Variants in KCTD21 observed in about 807,000 individuals in gnomAD.
The protein encoded by KCTD21 is potassium channel tetramerization domain containing 21, also known as BTB/POZ domain-containing protein KCTD21.
KCTD21 carries 9 observed loss-of-function variants against 13.2 expected under a neutral mutation model. The ratio of observed to expected loss-of-function variants is 0.68; its 90% confidence interval spans 0.41 to 1.19. KCTD21 has a LOEUF of 1.19. KCTD21 is among the 50% of genes most tolerant of loss of function. KCTD21 has a pLI of 0.01. For synonymous variants in KCTD21, 142 were observed against 137.4 expected (o/e 1.03, Z -0.23); for missense variants, 303 against 336.5 (o/e 0.90, Z 0.78).
rs1480151814 is a variant in KCTD21, at chr11:78,172,918, A to C, written c.*854T>G. The C allele has an allele frequency of 6.6e-6, 1 of 152,584 alleles. No individual in the cohort carries two copies. The highest frequency in any genetic ancestry group is 1.5e-5 in the Non-Finnish European group (1 of 68,034). The allele number at this position is 152,584 out of a possible 1,614,324, so 9.5% of individuals were successfully genotyped here. ...GTGGGGGAGGACTAAGCAATCATCG[A>C]ATTATTTCCAACCCTGAGAATCCGT... is the stretch of plus-strand genomic sequence containing the variant. On this transcript the variant is annotated 3_prime_UTR_variant, in exon 2 of 2. Transcript: ENST00000340067.
At chr11:78,176,586 C>A (rs1862454937) in intron 1 of KCTD21, among the ~76,000 whole-genome samples, 1 of 152,128 alleles carries the variant, frequency 6.6e-6, no homozygotes, top group Non-Finnish European at 1.5e-5. Flanking sequence ...GAACTGGCCC[C>A]AGTATTACCC....
intron 1 of KCTD21, among the ~76,000 whole-genome samples, chr11:78,182,491 C>G (rs932233142): frequency 2.0e-5 from 3 of 152,174 alleles, no homozygotes; most frequent in Non-Finnish European, 4.4e-5. Flanking sequence ...ACATTTCCCT[C>G]TGTGGTTTTA....
chr11:78,173,894 G>A lies in KCTD21; in HGVS notation c.661C>T (p.Gln221Ter), dbSNP rs1424571151. 1 of 1,614,170 alleles carries A rather than the reference G, an allele frequency of 6.2e-7. No homozygotes were observed. Among genetic ancestry groups the A allele is most frequent in the Admixed American group, 1.7e-5 (1 of 60,028 alleles). The change falls in exon 2 of 2, where the codon CAG becomes TAG. Residue 221 changes from glutamine (Q) to a stop codon, truncating the protein, a stop_gained. Transcript: ENST00000340067. LOFTEE classifies it high-confidence loss of function. ...VPANKQINSF[Q>*]VFVEEVLKIA... Reference sequence around the variant, plus strand: ...TTCAGTACCTCTTCCACGAAGACCTGGAAGCTGTTGATCTGCTTGTTGGCG... The same window carrying A: ...TTCAGTACCTCTTCCACGAAGACCTAGAAGCTGTTGATCTGCTTGTTGGCG...
intron 1 of KCTD21, among the ~76,000 whole-genome samples, chr11:78,183,472 G>A (rs555353296): frequency 6.6e-6 from 1 of 151,094 alleles, no homozygotes; most frequent in Non-Finnish European, 1.5e-5. Flanking sequence ...GGAAGTGGAG[G>A]TTGCAGTGAG....
At chr11:78,183,760 C>T (rs184338569) in intron 1 of KCTD21, among the ~76,000 whole-genome samples, 5 of 151,236 alleles carry the variant, frequency 3.3e-5, no homozygotes, top group South Asian at 2.1e-4. Flanking sequence ...CTCAGCCTCC[C>T]GAGTAGCTGA....
intron 1 of KCTD21, among the ~76,000 whole-genome samples, chr11:78,178,169 A>G (rs1041130318): frequency 1.4e-5 from 2 of 146,980 alleles, no homozygotes; most frequent in African/African-American, 5.1e-5. Context: ...CTCTGTCGCC[A>G]GGCTAGAGTG....
rs1862752304 is a variant in KCTD21 at position 78,185,990 on chromosome 11, T to C, written c.-30+2583A>G. Among the ~76,000 whole-genome samples the C allele has an allele frequency of 2.0e-5, 3 of 152,068 alleles. No homozygotes were observed. In the Middle Eastern group the frequency reaches 0.01, roughly 517 times the overall value. On this transcript the variant is annotated intron_variant, in intron 1 of 1. Coordinates refer to ENST00000340067, the MANE Select transcript of KCTD21 (RefSeq NM_001029859.3). ...ATCATGAACCCAGAATCTCTGTAAC[T>C]CGGCAGGAAAGAAACTCCTGTCATG...
chr11:78,188,598 C>A lies in KCTD21; in HGVS notation c.-55G>T. On this transcript the variant is annotated 5_prime_UTR_variant, in exon 1 of 2. Coordinates refer to ENST00000340067, the MANE Select transcript of KCTD21 (RefSeq NM_001029859.3). The stretch of plus-strand genomic sequence containing the variant: ...CTCCTGCCCTCGCTCTGCAGCCTCT[C>A]CCTCCGCGAGCGGCCAGCGCAGCTT... 1.6e-5 allele frequency: 16 copies of A among 985,568 alleles called. No homozygotes were observed. The highest frequency in any genetic ancestry group is 1.9e-5 in the Non-Finnish European group (16 of 830,044). The allele number at this position is 985,568 out of a possible 1,614,324, so 61.1% of individuals were successfully genotyped here.
chr11:78,188,024 C>CT, intron 1 of KCTD21: 2 of 985,414 alleles, frequency 2.0e-6, no homozygotes, highest in Non-Finnish European at 2.4e-6. Context: ...GGGATGGACT[C>CT]TTTATTTCCA....
At position 78,172,550 on chromosome 11, in the gene KCTD21, A is replaced by G. The variant is rs1862308430; in HGVS notation, c.*1222T>C. ...GACTGACTTACAGGGGATAGAAAAG[A>G]GCTAACTTTGATTCTGAAGACAGAT... On this transcript the variant is annotated 3_prime_UTR_variant, in exon 2 of 2. Coordinates refer to ENST00000340067, the MANE Select transcript of KCTD21 (RefSeq NM_001029859.3). 6.6e-6 allele frequency: 1 copy of G among 152,202 alleles called. No individual in the cohort carries two copies. The highest frequency in any genetic ancestry group is 6.5e-5 in the Admixed American group (1 of 15,282). 9.4% of individuals were successfully genotyped at this position (152,202 alleles called of 1,614,324 possible).
intron 1 of KCTD21, among the ~76,000 whole-genome samples, chr11:78,178,892 T>C (rs530042700): frequency 7.2e-5 from 11 of 152,242 alleles, no homozygotes; most frequent in African/African-American, 2.6e-4. Flanking sequence ...ACGCTCCTCT[T>C]TGCAACCCTC....
At chr11:78,188,358 A>G (rs1309613246) in intron 1 of KCTD21, 2 of 984,260 alleles carry the variant, frequency 2.0e-6, no homozygotes, top group Non-Finnish European at 2.4e-6. Flanking sequence ...TGCTCTCCCA[A>G]CAGCCCCGCC....
At chr11:78,180,241 C>A (rs1862576455) in intron 1 of KCTD21, among the ~76,000 whole-genome samples, 1 of 152,186 alleles carries the variant, frequency 6.6e-6, no homozygotes, top group African/African-American at 2.4e-5. Context: ...TCAAAAGACA[C>A]TGTTAAGAAA....
Position 78,174,279 on chromosome 11 carries a change from C to G in KCTD21, c.276G>C (p.Leu92=). 1 of 1,614,120 alleles carries G rather than the reference C, an allele frequency of 6.2e-7. No homozygotes were observed. The highest frequency in any genetic ancestry group is 8.5e-7 in the Non-Finnish European group (1 of 1,180,030). Reference sequence around the variant, plus strand: ...CTTCCTTCTCCTGCAGGGCCTCAATCAGGGGCTGCACCTGGTAGAAGTCGG... The same window carrying G: ...CTTCCTTCTCCTGCAGGGCCTCAATGAGGGGCTGCACCTGGTAGAAGTCGG... ...READFYQVQP[L]IEALQEKEVE... is the part of the protein sequence containing the mutation. The change falls in exon 2 of 2, where the codon CTG becomes CTC. Residue 92 remains leucine, a synonymous_variant. Transcript: ENST00000340067.
intron 1 of KCTD21, among the ~76,000 whole-genome samples, chr11:78,182,497 T>C (rs1862658426): frequency 1.3e-5 from 2 of 152,162 alleles, no homozygotes; most frequent in South Asian, 4.1e-4. Context: ...CCCTCTGTGG[T>C]TTTAAAACAA....
In KCTD21 at chr11:78,173,513, T is replaced by C; in HGVS notation, c.*259A>G. On this transcript the variant is annotated 3_prime_UTR_variant, in exon 2 of 2. Transcript: ENST00000340067. ...TGGAAAATCCTCCTATGGCCTCCTT[T>C]AGTACACATCAGCTGACTCTTCACT... The C allele has an allele frequency of 4.5e-6, 2 of 447,926 alleles. No individual in the cohort carries two copies. Among genetic ancestry groups the C allele is most frequent in the Non-Finnish European group, 8.1e-6 (2 of 247,760 alleles). The allele number at this position is 447,926 out of a possible 1,614,324, so 27.7% of individuals were successfully genotyped here.
At chr11:78,188,172 C>G (rs1164963620) in intron 1 of KCTD21, 2 of 985,266 alleles carry the variant, frequency 2.0e-6, no homozygotes, top group East Asian at 1.1e-4. Flanking sequence ...CTCACCCAGG[C>G]TGGCCTCATC....
intron 1 of KCTD21, among the ~76,000 whole-genome samples, chr11:78,185,717 G>C (rs1862745547): frequency 6.6e-6 from 1 of 151,894 alleles, no homozygotes. Flanking sequence ...TCAGCCTCCT[G>C]AGTAGCTGGG....
intron 1 of KCTD21, among the ~76,000 whole-genome samples, chr11:78,184,317 G>A (rs1237340738): frequency 6.6e-6 from 1 of 151,950 alleles, no homozygotes; most frequent in Non-Finnish European, 1.5e-5. Flanking sequence ...TATTTAAATA[G>A]GTGGAGAAGC....
Sources: gnomAD v4.1 joint callset for allele counts (sites outside exome capture counted in the v4.1 genomes callset) on GRCh38, gnomAD v4.1.1 for gene constraint, MANE v1.5 for transcripts, NCBI Gene and HGNC (gene_info 2026-07-23, HGNC 2026-07-21) for gene names.